DOK6: variants seen among roughly 807,000 people sequenced by gnomAD.
DOK6 encodes the protein downstream of tyrosine kinase 6.
DOK6 carries 22 observed loss-of-function variants against 44.0 expected under a neutral mutation model. That is an observed-to-expected ratio of 0.50 (90% CI 0.36 to 0.71). DOK6 has a LOEUF of 0.71. Among genes scored for constraint, DOK6 ranks in the 30% least tolerant of loss-of-function variants. The pLI is 0.00. For synonymous variants in DOK6, 166 were observed against 145.5 expected, an observed-to-expected ratio of 1.14 and a Z score of -1.01; for missense variants, 340 against 416.4, an observed-to-expected ratio of 0.82 and a Z score of 1.60.
chr18:69,713,943 T>C (rs1021285499), intron 5 of DOK6, among the ~76,000 whole-genome samples: 1 of 152,172 alleles, frequency 6.6e-6, no homozygotes, highest in Non-Finnish European at 1.5e-5. Context: ...AAATAAATTA[T>C]AGATTCAAGG....
rs73468858 is a variant in DOK6, at chr18:69,501,131, C to T, written c.67-63356C>T. ...TAGCATTCTCATATAATACCTAAAA[C>T]GTCATATTTTCTACCAAAAGAAAGT... On this transcript the variant is annotated intron_variant, in intron 1 of 7. Coordinates refer to ENST00000382713, the MANE Select transcript of DOK6 (RefSeq NM_152721.6). 2.9e-3 allele frequency among the ~76,000 whole-genome samples: 435 copies of T among 152,070 alleles called. 3 individuals are homozygous for T. Among genetic ancestry groups the T allele is most frequent in the African/African-American group, 9.7e-3 (402 of 41,496 alleles).
At chr18:69,496,355 G>A (rs12051945) in intron 1 of DOK6, among the ~76,000 whole-genome samples, 22,914 of 152,256 alleles carry the variant, frequency 0.15, 1,903 homozygotes, top group Non-Finnish European at 0.18. Context: ...CCACCAACTC[G>A]GAAGGGGCGG....
intron 5 of DOK6, among the ~76,000 whole-genome samples, chr18:69,708,672 T>G (rs2144712846): frequency 6.6e-6 from 1 of 151,026 alleles, no homozygotes; most frequent in East Asian, 2.0e-4. Flanking sequence ...GTGTCCCACC[T>G]ACTCGGGAGG....
rs929069464 is a variant in DOK6, at chr18:69,515,526, C to T, written c.67-48961C>T. Among the ~76,000 whole-genome samples the T allele has an allele frequency of 1.1e-3, 172 of 152,222 alleles. 2 individuals carry two copies. Among genetic ancestry groups the T allele is most frequent in the African/African-American group, 3.8e-3 (159 of 41,532 alleles). On this transcript the variant is annotated intron_variant, in intron 1 of 7. Coordinates refer to ENST00000382713, the MANE Select transcript of DOK6 (RefSeq NM_152721.6). ...GTACTGAATAAATGAGGGATTCAGG[C>T]GTGAACTAACAAACATAAAAGCTAT... is the stretch of plus-strand genomic sequence containing the variant.
At chr18:69,816,053 G>A (rs1347736967) in intron 7 of DOK6, among the ~76,000 whole-genome samples, 1 of 152,106 alleles carries the variant, frequency 6.6e-6, no homozygotes, top group African/African-American at 2.4e-5. Context: ...ATGGAGGAGA[G>A]CCAAATATAT....
intron 1 of DOK6, among the ~76,000 whole-genome samples, chr18:69,403,095 G>A (rs905036562): frequency 6.6e-6 from 1 of 152,114 alleles, no homozygotes; most frequent in African/African-American, 2.4e-5. Flanking sequence ...AATCGCAATT[G>A]TATCTGATGC....
intron 3 of DOK6, chr18:69,647,556 A>T (rs1167567373): frequency 6.6e-6 from 1 of 152,174 alleles, no homozygotes; most frequent in South Asian, 2.1e-4. Flanking sequence ...CAAGGTACTC[A>T]GTCCTTAAAG....
chr18:69,471,415 T>A (rs1258065746), intron 1 of DOK6, among the ~76,000 whole-genome samples: 2 of 150,830 alleles, frequency 1.3e-5, no homozygotes, highest in Non-Finnish European at 3.0e-5. Flanking sequence ...ATGAGGTGAA[T>A]ATGGTGGGTA....
chr18:69,774,424 G>C lies in DOK6; in HGVS notation c.856+16551G>C, dbSNP rs542322480. On this transcript the variant is annotated intron_variant, in intron 7 of 7. Coordinates refer to ENST00000382713, the MANE Select transcript of DOK6 (RefSeq NM_152721.6). ...GTTCAGTGTATACTGCTCAGGTGAT[G>C]TGTGCATCAAAATCTCACAAATCAC... is the stretch of plus-strand genomic sequence containing the variant. 3.3e-5 allele frequency among the ~76,000 whole-genome samples: 5 copies of C among 151,796 alleles called. No homozygotes were observed. The East Asian group carries it at 9.7e-4, about 30-fold the overall frequency.
At chr18:69,440,748 AC>A in intron 1 of DOK6, among the ~76,000 whole-genome samples, 1 of 74,346 alleles carries the variant, frequency 1.3e-5, no homozygotes, top group East Asian at 3.8e-4. Context: ...TTTTATACAC[AC>A]ACAAACACAC....
intron 1 of DOK6, among the ~76,000 whole-genome samples, chr18:69,524,007 C>G (rs1004353668): frequency 2.0e-5 from 3 of 151,986 alleles, no homozygotes; most frequent in Non-Finnish European, 4.4e-5. Flanking sequence ...CTGAGATTTT[C>G]AGCAATTGGA....
chr18:69,679,105 G>A lies in DOK6; in HGVS notation c.409+1252G>A, dbSNP rs187707181. 1.7e-4 allele frequency among the ~76,000 whole-genome samples: 26 copies of A among 152,252 alleles called. 1 individual carries two copies. The highest frequency in any genetic ancestry group is 7.2e-4 in the Admixed American group (11 of 15,290). On this transcript the variant is annotated intron_variant, in intron 4 of 7. Transcript: ENST00000382713. ...GTGGGAGGCTCGCTTGAGCCTGGGAGGCAGAGGTTACAGTGAGCCAATATT... is the reference window on the plus strand; with the variant it reads ...GTGGGAGGCTCGCTTGAGCCTGGGAAGCAGAGGTTACAGTGAGCCAATATT...
At chr18:69,444,445 C>T (rs1979222126) in intron 1 of DOK6, among the ~76,000 whole-genome samples, 1 of 152,128 alleles carries the variant, frequency 6.6e-6, no homozygotes, top group South Asian at 2.1e-4. Flanking sequence ...ATGCATTTCC[C>T]AACCACCGAA....
intron 1 of DOK6, among the ~76,000 whole-genome samples, chr18:69,500,479 G>A (rs1166550431): frequency 6.6e-6 from 1 of 151,972 alleles, no homozygotes; most frequent in African/African-American, 2.4e-5. Context: ...TTTAGCTGTA[G>A]CCACTATTGG....
chr18:69,503,112 A>T (rs1981091151), intron 1 of DOK6, among the ~76,000 whole-genome samples: 1 of 152,124 alleles, frequency 6.6e-6, no homozygotes, highest in Non-Finnish European at 1.5e-5. Context: ...AGGTTGTATG[A>T]TTTTATTGTG....
chr18:69,439,016 G>A (rs953755676), intron 1 of DOK6, among the ~76,000 whole-genome samples: 1 of 152,080 alleles, frequency 6.6e-6, no homozygotes, highest in Admixed American at 6.6e-5. Context: ...AGGCTGCATT[G>A]AGCTATGATC....
chr18:69,461,487 T>C (rs1270636378), intron 1 of DOK6, among the ~76,000 whole-genome samples: 1 of 152,184 alleles, frequency 6.6e-6, no homozygotes, highest in African/African-American at 2.4e-5. Flanking sequence ...TTTATTCATC[T>C]CATCTGCTTA....
intron 5 of DOK6, among the ~76,000 whole-genome samples, chr18:69,725,562 A>C (rs1978302331): frequency 6.6e-6 from 1 of 152,168 alleles, no homozygotes; most frequent in Admixed American, 6.5e-5. Flanking sequence ...ATCTCGGCTC[A>C]CTGCAGCCTC....
chr18:69,600,163 G>A (rs1983839411), intron 3 of DOK6, among the ~76,000 whole-genome samples: 1 of 135,972 alleles, frequency 7.4e-6, no homozygotes, highest in Non-Finnish European at 1.7e-5. Context: ...AAGTACCAAG[G>A]GTTTGCAAGA....
Sources: gnomAD v4.1 joint callset for allele counts (sites outside exome capture counted in the v4.1 genomes callset) on GRCh38, gnomAD v4.1.1 for gene constraint, MANE v1.5 for transcripts, NCBI Gene and HGNC (gene_info 2026-07-23, HGNC 2026-07-21) for gene names.